ROBO1: variants seen among roughly 807,000 people sequenced by gnomAD.
ROBO1 encodes roundabout guidance receptor 1, also known as roundabout homolog 1.
Under a neutral mutation model 195.9 loss-of-function variants are expected in ROBO1, and 149 were observed. That is an observed-to-expected ratio of 0.76 (90% confidence interval 0.67 to 0.87). The LOEUF (loss-of-function observed/expected upper bound fraction) is 0.87. Ranked by LOEUF, ROBO1 falls within the 40% of genes least tolerant of loss-of-function variation. The probability of loss-of-function intolerance (pLI) is 0.00; values close to 1 mark genes in which losing one functional copy is unlikely to be tolerated. For missense variants in ROBO1, 1,933 were observed against 2,068.3 expected (o/e 0.93, Z 1.27); for synonymous variants, 816 against 733.2 (o/e 1.11, Z -1.82).
chr3:78,710,237 C>G (rs1307139913), intron 8 of ROBO1, among the ~76,000 whole-genome samples: 1 of 152,046 alleles, frequency 6.6e-6, no homozygotes, highest in African/African-American at 2.4e-5. Context: ...GTACAATTGA[C>G]TTTAAAATTA....
intron 1 of ROBO1, among the ~76,000 whole-genome samples, chr3:79,715,924 T>C (rs1423293143): frequency 6.6e-6 from 1 of 152,094 alleles, no homozygotes; most frequent in South Asian, 2.1e-4. Flanking sequence ...TTCCCACTAA[T>C]GAAAATAACT....
chr3:78,714,665 A>T, intron 7 of ROBO1, 141 bp from the exon 8 acceptor site: 1 of 669,406 alleles, frequency 1.5e-6, no homozygotes, highest in Non-Finnish European at 2.3e-6. Flanking sequence ...TATTCCTCTA[A>T]GTCAGCTGGC....
intron 1 of ROBO1, among the ~76,000 whole-genome samples, chr3:79,682,907 G>T (rs1342687548): frequency 1.3e-5 from 2 of 152,044 alleles, no homozygotes; most frequent in East Asian, 3.9e-4. Context: ...TGCTGTGTGG[G>T]TCTTGAAGGA....
chr3:79,290,695 A>T (rs773044119), intron 2 of ROBO1, among the ~76,000 whole-genome samples: 45 of 152,076 alleles, frequency 3.0e-4, no homozygotes, highest in Non-Finnish European at 5.9e-4. Context: ...CAACCTTCTT[A>T]AAGAGTGCTT....
intron 2 of ROBO1, among the ~76,000 whole-genome samples, chr3:79,536,142 A>T (rs1419223343): frequency 6.6e-6 from 1 of 152,094 alleles, no homozygotes; most frequent in Non-Finnish European, 1.5e-5. Context: ...TTTTCTGAGG[A>T]TTGCTCTGAA....
intron 2 of ROBO1, among the ~76,000 whole-genome samples, chr3:79,454,184 C>T (rs941406862): frequency 2.8e-5 from 4 of 141,292 alleles, no homozygotes; most frequent in African/African-American, 7.8e-5. Flanking sequence ...AGAGAGTTCA[C>T]GGATTTAAGA....
intron 1 of ROBO1, among the ~76,000 whole-genome samples, chr3:79,644,005 G>C (rs747734045): frequency 5.3e-5 from 8 of 152,082 alleles, no homozygotes; most frequent in Non-Finnish European, 1.0e-4. Context: ...GACTGAAAGT[G>C]AAGAGATGGA....
intron 1 of ROBO1, among the ~76,000 whole-genome samples, chr3:79,600,547 G>A (rs1944309985): frequency 6.6e-6 from 1 of 151,916 alleles, no homozygotes; most frequent in Non-Finnish European, 1.5e-5. Flanking sequence ...GAAGTATACA[G>A]CAAATAAGGT....
chr3:78,597,516 T>TTATC lies in ROBO1; in HGVS notation c.*1393_*1396dup, dbSNP rs373435593. The TTATC allele has an allele frequency of 9.8e-5, 15 of 152,638 alleles. No individual in the cohort carries two copies. The highest frequency in any genetic ancestry group is 4.1e-4 in the South Asian group (2 of 4,824). The allele number at this position is 152,638 out of a possible 1,614,324, so 9.5% of individuals were successfully genotyped here. A position where few individuals can be genotyped will look rare whatever the true frequency, so the allele number is the denominator to read the frequency against. On this transcript the variant is annotated 3_prime_UTR_variant, in exon 31 of 31. Transcript: ENST00000464233. ...TTTCCACTGGGGTCAGACCTGATAC[T>TTATC]TATCTATCTATGAATAAATGTACAT...
intron 2 of ROBO1, among the ~76,000 whole-genome samples, chr3:79,259,799 C>T (rs1267032965): frequency 1.3e-5 from 2 of 152,036 alleles, no homozygotes; most frequent in African/African-American, 4.8e-5. Flanking sequence ...GTGTACTGAC[C>T]TTCACTTTTA....
intron 3 of ROBO1, among the ~76,000 whole-genome samples, chr3:78,952,078 C>G (rs935935559): frequency 6.6e-6 from 1 of 151,438 alleles, no homozygotes; most frequent in East Asian, 1.9e-4. Context: ...TGTTTCTTAA[C>G]AGACAGAAAA....
intron 2 of ROBO1, among the ~76,000 whole-genome samples, chr3:79,176,780 A>G (rs2081268351): frequency 6.6e-6 from 1 of 152,308 alleles, no homozygotes; most frequent in Admixed American, 6.5e-5. Context: ...TATTTTAACC[A>G]GTATTATCTT....
chr3:79,259,640 G>T lies in ROBO1; in HGVS notation c.89-134101C>A, dbSNP rs775784397. On this transcript the variant is annotated intron_variant, in intron 2 of 30. Transcript: ENST00000464233. Reference sequence around the variant, plus strand: ...TTTCTACTCTCTATATCCACCCACAGAATGGGAGAAAATATTTGCAAACTA... The same window carrying T: ...TTTCTACTCTCTATATCCACCCACATAATGGGAGAAAATATTTGCAAACTA... 1.2e-4 allele frequency among the ~76,000 whole-genome samples: 18 copies of T among 151,754 alleles called. 1 individual carries two copies. The highest frequency in any genetic ancestry group is 9.7e-4 in the East Asian group (5 of 5,136).
intron 4 of ROBO1, among the ~76,000 whole-genome samples, chr3:78,804,559 C>T (rs2108592770): frequency 6.6e-6 from 1 of 152,000 alleles, no homozygotes; most frequent in Admixed American, 6.6e-5. Flanking sequence ...ACTCACTGCA[C>T]CTCTCAATCA....
chr3:79,673,264 T>G (rs1946682539), intron 1 of ROBO1, among the ~76,000 whole-genome samples: 1 of 152,008 alleles, frequency 6.6e-6, no homozygotes, highest in Non-Finnish European at 1.5e-5. Context: ...GCAGTAACAA[T>G]TTTTATAAAT....
intron 2 of ROBO1, among the ~76,000 whole-genome samples, chr3:79,535,938 A>C (rs920331986): frequency 6.6e-6 from 1 of 152,006 alleles, no homozygotes; most frequent in Non-Finnish European, 1.5e-5. Flanking sequence ...TTGCACATGC[A>C]CAAATAATTT....
chr3:79,380,193 A>G (rs889268302), intron 2 of ROBO1, among the ~76,000 whole-genome samples: 6 of 152,144 alleles, frequency 3.9e-5, no homozygotes, highest in Admixed American at 1.3e-4. Context: ...TTGTCACTGA[A>G]TATGTTACTT....
intron 2 of ROBO1, among the ~76,000 whole-genome samples, chr3:79,164,114 T>C (rs551555909): frequency 1.3e-4 from 20 of 152,204 alleles, no homozygotes; most frequent in African/African-American, 4.8e-4. Flanking sequence ...TTTAAAATGG[T>C]CCAAGGGTGG....
chr3:78,654,452 C>T (rs187444602), intron 18 of ROBO1, among the ~76,000 whole-genome samples: 1 of 152,302 alleles, frequency 6.6e-6, no homozygotes, highest in East Asian at 1.9e-4. Flanking sequence ...AGCACTTCAT[C>T]CTCTTAAAGT....
Sources: gnomAD v4.1 joint callset for allele counts (sites outside exome capture counted in the v4.1 genomes callset) on GRCh38, gnomAD v4.1.1 for gene constraint, MANE v1.5 for transcripts, NCBI Gene and HGNC (gene_info 2026-07-23, HGNC 2026-07-21) for gene names.